The following AGBL1 variants were observed in gnomAD, a reference collection of about 807,000 sequenced individuals.
The protein encoded by AGBL1 is AGBL carboxypeptidase 1, also known as cytosolic carboxypeptidase 4.
A neutral mutation model predicts 118.9 loss-of-function variants in AGBL1; 130 were observed. The observed-to-expected ratio is 1.09, with a 90% CI of 0.95 to 1.26. The LOEUF (loss-of-function observed/expected upper bound fraction) is 1.26. Ranked by LOEUF, AGBL1 falls within the 50% of genes most tolerant of loss-of-function variation. The pLI is 0.00. For missense variants in AGBL1, 1,584 were observed against 1,298.1 expected (o/e 1.22, Z -3.38); for synonymous variants, 555 against 478.9 (o/e 1.16, Z -2.08).
intron 23 of AGBL1, among the ~76,000 whole-genome samples, chr15:86,925,143 A>AGAGGAGGAGGAGAAG (rs2080519698): frequency 1.2e-5 from 1 of 80,532 alleles, no homozygotes; most frequent in Non-Finnish European, 3.0e-5. Context: ...AGGAAGAGGA[A>AGAGGAGGAGGAGAAG]GAGGAGGAGG....
chr15:86,149,377 A>T (rs562784665), intron 3 of AGBL1, among the ~76,000 whole-genome samples: 2 of 152,338 alleles, frequency 1.3e-5, no homozygotes, highest in African/African-American at 4.8e-5. Context: ...CATATTCAGG[A>T]GACCCATCTC....
intron 21 of AGBL1, among the ~76,000 whole-genome samples, chr15:86,590,245 C>A (rs995643237): frequency 1.3e-5 from 2 of 152,162 alleles, no homozygotes; most frequent in Non-Finnish European, 2.9e-5. Context: ...TGTGTCCCCA[C>A]CCAATCTCAC....
intron 5 of AGBL1, among the ~76,000 whole-genome samples, chr15:86,205,835 T>A (rs1420157568): frequency 2.0e-5 from 3 of 152,234 alleles, no homozygotes; most frequent in African/African-American, 4.8e-5. Flanking sequence ...AATTTAATTT[T>A]ATTTTGATTA....
chr15:86,080,699 T>C lies in AGBL1; in HGVS notation c.51+676T>C, dbSNP rs1012859899. Among the ~76,000 whole-genome samples the C allele has an allele frequency of 2.0e-5, 3 of 152,212 alleles. No homozygotes were observed. The East Asian group carries it at 5.8e-4, about 29-fold the overall frequency. ...GAGAGGGTCAAAAAATACTCATGCTTGGGACCCACCCCCAAAGACATGGAT... is the reference window on the plus strand; with the variant it reads ...GAGAGGGTCAAAAAATACTCATGCTCGGGACCCACCCCCAAAGACATGGAT... On this transcript the variant is annotated intron_variant, in intron 1 of 22. Transcript: ENST00000614907.
At chr15:86,631,357 A>C (rs1376213122) in intron 21 of AGBL1, among the ~76,000 whole-genome samples, 4 of 152,168 alleles carry the variant, frequency 2.6e-5, no homozygotes, top group African/African-American at 9.7e-5. Context: ...TGCTTAACAA[A>C]CATTTCAATT....
intron 1 of AGBL1, among the ~76,000 whole-genome samples, chr15:86,104,866 A>T (rs1461986099): frequency 6.6e-6 from 1 of 151,868 alleles, no homozygotes; most frequent in Non-Finnish European, 1.5e-5. Context: ...GTAGCTACCT[A>T]TGTTAGTTTC....
chr15:86,689,236 A>C lies in AGBL1; in HGVS notation c.3158+14800A>C, dbSNP rs111676736. Among the ~76,000 whole-genome samples, 869 of 152,248 alleles carry C rather than the reference A, an allele frequency of 5.7e-3. 7 individuals are homozygous for C. Among genetic ancestry groups the C allele is most frequent in the African/African-American group, 0.019 (808 of 41,560 alleles). On this transcript the variant is annotated intron_variant, in intron 22 of 22. Transcript: ENST00000614907. ...ATAGCTGGCTCCTCTTTGACATTCA[A>C]GTCTCAGCTTAAATGTCATAATCTC... is the stretch of plus-strand genomic sequence containing the variant.
chr15:86,742,801 C>A (rs2077698608), intron 22 of AGBL1, among the ~76,000 whole-genome samples: 2 of 152,154 alleles, frequency 1.3e-5, no homozygotes, highest in African/African-American at 2.4e-5. Context: ...ACAGTCCCTG[C>A]TGCTCTCTCT....
At chr15:86,279,468 C>T (rs2079311644) in intron 15 of AGBL1, among the ~76,000 whole-genome samples, 171 bp from the exon 16 acceptor site, 1 of 152,214 alleles carries the variant, frequency 6.6e-6, no homozygotes, top group Admixed American at 6.5e-5. Context: ...AGTAAGTTTA[C>T]TTGTACATTT....
intron 21 of AGBL1, among the ~76,000 whole-genome samples, chr15:86,585,399 T>C (rs931359412): frequency 3.3e-5 from 5 of 151,976 alleles, no homozygotes; most frequent in Admixed American, 3.3e-4. Flanking sequence ...TTTTTATGTA[T>C]TTATTTATTT....
At chr15:86,457,933 T>G (rs1405202334) in intron 18 of AGBL1, among the ~76,000 whole-genome samples, 1 of 152,194 alleles carries the variant, frequency 6.6e-6, no homozygotes, top group Non-Finnish European at 1.5e-5. Context: ...CTCTTTCAAC[T>G]GTCAGTGCTT....
At chr15:86,307,906 T>C (rs1399390264) in intron 17 of AGBL1, among the ~76,000 whole-genome samples, 1 of 152,182 alleles carries the variant, frequency 6.6e-6, no homozygotes, top group Non-Finnish European at 1.5e-5. Context: ...TTAGTCCCCA[T>C]AACAATTTGC....
At chr15:86,833,254 T>C (rs1452799300) in intron 22 of AGBL1, among the ~76,000 whole-genome samples, 1 of 152,032 alleles carries the variant, frequency 6.6e-6, no homozygotes, top group Non-Finnish European at 1.5e-5. Context: ...CACATGCCCA[T>C]GAGATTCACA....
chr15:86,540,147 T>G (rs2083474655), intron 19 of AGBL1, among the ~76,000 whole-genome samples: 1 of 152,210 alleles, frequency 6.6e-6, no homozygotes, highest in Non-Finnish European at 1.5e-5. Flanking sequence ...ATTAAATTTT[T>G]AGCATGCTAT....
chr15:86,147,946 A>C (rs2077054711), intron 3 of AGBL1, among the ~76,000 whole-genome samples: 1 of 152,182 alleles, frequency 6.6e-6, no homozygotes, highest in Non-Finnish European at 1.5e-5. Context: ...GTTCTGCAGT[A>C]TTTGCTGTTC....
intron 22 of AGBL1, among the ~76,000 whole-genome samples, chr15:86,676,722 CAAG>C (rs1193328016): frequency 3.3e-5 from 5 of 152,102 alleles, no homozygotes; most frequent in African/African-American, 1.2e-4. Context: ...CAGCATCCTA[CAAG>C]AAGATTTGTA....
chr15:86,448,057 G>A (rs75963930), intron 18 of AGBL1, among the ~76,000 whole-genome samples: 6,387 of 152,066 alleles, frequency 0.042, 196 homozygotes, highest in South Asian at 0.096. Flanking sequence ...TGGTGGGAGG[G>A]TCACCTGAGC....
At chr15:86,435,616 G>A (rs1455449218) in intron 18 of AGBL1, among the ~76,000 whole-genome samples, 1 of 152,198 alleles carries the variant, frequency 6.6e-6, no homozygotes, top group Non-Finnish European at 1.5e-5. Flanking sequence ...AGAATTTGGA[G>A]CATCTGAAGT....
rs138829995 is a variant in AGBL1 at position 86,342,091 on chromosome 15, G to A, written c.2374+46683G>A. Among the ~76,000 whole-genome samples the A allele has an allele frequency of 9.0e-3, 1,363 of 152,238 alleles. 6 individuals are homozygous for A. Among genetic ancestry groups the A allele is most frequent in the Middle Eastern group, 0.02 (6 of 294 alleles). On this transcript the variant is annotated intron_variant, in intron 17 of 22. Transcript: ENST00000614907. ...TCAAGGCTACTTTCTGAAGATGAAC[G>A]CTTTCTCAATTTTGTTTTCTGCTCT...
Sources: gnomAD v4.1 joint callset for allele counts (sites outside exome capture counted in the v4.1 genomes callset) on GRCh38, gnomAD v4.1.1 for gene constraint, MANE v1.5 for transcripts, NCBI Gene and HGNC (gene_info 2026-07-23, HGNC 2026-07-21) for gene names.